AVEN: variants seen among roughly 807,000 people sequenced by gnomAD.
AVEN encodes cell death regulator Aven.
In AVEN, 41 loss-of-function variants were observed where a neutral mutation model predicts 38.1. That is an observed-to-expected ratio of 1.08 (90% CI 0.84 to 1.40). AVEN has a LOEUF of 1.40. AVEN is among the 40% of genes most tolerant of loss of function. AVEN has a pLI of 0.00. For missense variants in AVEN, 605 were observed against 438.8 expected (o/e 1.38, Z -3.38); for synonymous variants, 206 against 171.8 (o/e 1.20, Z -1.56).
intron 5 of AVEN, among the ~76,000 whole-genome samples, chr15:34,058,896 T>C (rs1396111726): frequency 2.6e-5 from 4 of 152,190 alleles, no homozygotes; most frequent in Non-Finnish European, 4.4e-5. Flanking sequence ...TTTCCTTTTT[T>C]TCTTAACTTT....
chr15:33,862,991 G>C (rs1437753958), downstream of AVEN, among the ~76,000 whole-genome samples: 1 of 152,170 alleles, frequency 6.6e-6, no homozygotes, highest in African/African-American at 2.4e-5. Context: ...TTCCCATTAA[G>C]AGAATATACA....
At chr15:34,036,104 GT>G (rs34150464) in intron 1 of AVEN, among the ~76,000 whole-genome samples, 18 of 149,018 alleles carry the variant, frequency 1.2e-4, no homozygotes, top group Admixed American at 6.7e-4. Context: ...CCAGTTTTGT[GT>G]TTTTTTTTTA....
At chr15:33,932,182 C>T (rs748736672) in intron 2 of AVEN, among the ~76,000 whole-genome samples, 1 of 152,206 alleles carries the variant, frequency 6.6e-6, no homozygotes, top group African/African-American at 2.4e-5. Flanking sequence ...AATAAACACA[C>T]ATTCTGAAAA....
chr15:33,925,749 A>T (rs771079900), intron 2 of AVEN, among the ~76,000 whole-genome samples: 3 of 152,238 alleles, frequency 2.0e-5, no homozygotes, highest in African/African-American at 7.2e-5. Flanking sequence ...AGTGGGAGAA[A>T]GAATTTCAAA....
chr15:34,068,912 C>T (rs1460087088), intron 2 of AVEN, among the ~76,000 whole-genome samples: 12 of 150,324 alleles, frequency 8.0e-5, no homozygotes, highest in East Asian at 4.0e-4. Flanking sequence ...CCCGGGTTCA[C>T]GCCATTCTCC....
At chr15:34,025,974 C>G (rs1898450102) in intron 1 of AVEN, among the ~76,000 whole-genome samples, 1 of 152,098 alleles carries the variant, frequency 6.6e-6, no homozygotes, top group Admixed American at 6.6e-5. Flanking sequence ...TTTTTATAAT[C>G]ACAATATATT....
intron 2 of AVEN, among the ~76,000 whole-genome samples, chr15:33,956,942 C>T (rs971208238): frequency 6.6e-6 from 1 of 151,944 alleles, no homozygotes. Flanking sequence ...GTGAAATGTT[C>T]GGGAGTTTTT....
chr15:34,070,829 T>C (rs1193214980), intron 1 of AVEN, among the ~76,000 whole-genome samples: 3 of 152,210 alleles, frequency 2.0e-5, no homozygotes, highest in South Asian at 2.1e-4. Context: ...TATTCTGCAA[T>C]AAATTTCACT....
chr15:33,905,551 G>A (rs1284134863), intron 2 of AVEN, among the ~76,000 whole-genome samples: 4 of 152,182 alleles, frequency 2.6e-5, no homozygotes, highest in Non-Finnish European at 5.9e-5. Context: ...TTGGCTGGAC[G>A]CCAGGGTTCA....
intron 2 of AVEN, among the ~76,000 whole-genome samples, chr15:33,912,322 T>C (rs1892946966): frequency 6.6e-6 from 1 of 152,220 alleles, no homozygotes; most frequent in African/African-American, 2.4e-5. Flanking sequence ...AGGCATCCTA[T>C]GCAATATGGA....
chr15:34,062,496 A>G, intron 5 of AVEN: 1 of 465,452 alleles, frequency 2.1e-6, no homozygotes, highest in Non-Finnish European at 3.7e-6. Context: ...CGGAGCTTGT[A>G]GAGAGCTGAG....
At chr15:33,871,985 ATTTTTGCCTGGGTAACCCAGCT>A (rs1383582316) in intron 3 of AVEN, among the ~76,000 whole-genome samples, 10 of 152,170 alleles carry the variant, frequency 6.6e-5, no homozygotes, top group Admixed American at 6.5e-4. Context: ...TCGGTGCATT[ATTTTTGCCTGGGTAACCCAGCT>A]CCCATGTCAG....
intron 2 of AVEN, among the ~76,000 whole-genome samples, chr15:33,956,194 T>C (rs1894946375): frequency 6.6e-6 from 1 of 152,182 alleles, no homozygotes; most frequent in Non-Finnish European, 1.5e-5. Flanking sequence ...TGTCGCTCCT[T>C]GCTAAAGTCA....
intron 1 of AVEN, among the ~76,000 whole-genome samples, chr15:34,031,394 C>T (rs532767630): frequency 5.3e-5 from 8 of 151,912 alleles, no homozygotes; most frequent in East Asian, 1.9e-4. Context: ...AGGCTGGTCT[C>T]GAACTCCTGA....
At position 33,867,683 on chromosome 15, in the gene AVEN, G is replaced by A. The variant is rs564664081; in HGVS notation, c.785C>T (p.Pro262Leu). The change falls in exon 5 of 6, where the codon CCG becomes CTG. Residue 262 changes from proline (P) to leucine (L), a missense_variant. Pro to Leu is a moderately conservative substitution (Grantham distance 98). Coordinates refer to ENST00000306730, the MANE Select transcript of AVEN (RefSeq NM_020371.3). ...PVLLGKDNPS[P>L]GPSRDSQKPT... Reference sequence around the variant, plus strand: ...TTTCTGAGAATCCCTTGAAGGACCCGGGCTTGGGTTGTCTTTGCCCAGCAA... The same window carrying A: ...TTTCTGAGAATCCCTTGAAGGACCCAGGCTTGGGTTGTCTTTGCCCAGCAA... The A allele has an allele frequency of 8.7e-6, 14 of 1,614,130 alleles. No individual in the cohort carries two copies. Among genetic ancestry groups the A allele is most frequent in the African/African-American group, 6.7e-5 (5 of 75,024 alleles).
chr15:33,964,397 T>C (rs1156346060), intron 2 of AVEN, among the ~76,000 whole-genome samples: 1 of 151,978 alleles, frequency 6.6e-6, no homozygotes, highest in Non-Finnish European at 1.5e-5. Context: ...AAAAAGTGGG[T>C]GCTATGGTAG....
At chr15:33,921,849 G>A (rs1329915013) in intron 2 of AVEN, among the ~76,000 whole-genome samples, 1 of 152,106 alleles carries the variant, frequency 6.6e-6, no homozygotes, top group Non-Finnish European at 1.5e-5. Flanking sequence ...TTATTGTCTT[G>A]TCTCTGCTCA....
intron 3 of AVEN, among the ~76,000 whole-genome samples, chr15:33,872,917 G>A (rs988558215): frequency 5.3e-5 from 8 of 151,712 alleles, no homozygotes; most frequent in Non-Finnish European, 1.2e-4. Context: ...CACCCTGACC[G>A]CCGACCTGTG....
intron 2 of AVEN, among the ~76,000 whole-genome samples, chr15:33,916,696 G>C (rs973842782): frequency 6.6e-6 from 1 of 152,046 alleles, no homozygotes; most frequent in Non-Finnish European, 1.5e-5. Context: ...ATAAATGTTG[G>C]CATGGATGTG....
Sources: allele counts gnomAD v4.1 joint callset (sites outside exome capture counted in the v4.1 genomes callset), GRCh38; gene constraint gnomAD v4.1.1; transcripts MANE v1.5; gene names NCBI Gene and HGNC (gene_info 2026-07-23, HGNC 2026-07-21).